TSC22D1: variants seen among roughly 807,000 people sequenced by gnomAD.
TSC22D1 encodes TSC22 domain family member 1, also known as TSC22 domain family protein 1.
A neutral mutation model predicts 74.2 loss-of-function variants in TSC22D1; 9 were observed. The ratio of observed to expected loss-of-function variants is 0.12; its 90% CI spans 0.07 to 0.21. TSC22D1 has a LOEUF of 0.21. Among genes scored for constraint, TSC22D1 ranks in the 10% least tolerant of loss-of-function variants. The pLI is 1.00. For missense variants in TSC22D1, 1,427 were observed against 1,304.7 expected (o/e 1.09, Z -1.44); for synonymous variants, 586 against 492.5 (o/e 1.19, Z -2.51).
intron 1 of TSC22D1, among the ~76,000 whole-genome samples, chr13:44,506,631 G>T (rs1879461524): frequency 6.6e-6 from 1 of 152,126 alleles, no homozygotes; most frequent in Non-Finnish European, 1.5e-5. Context: ...GAACTTAAAA[G>T]TGGATGGGAA....
intron 1 of TSC22D1, among the ~76,000 whole-genome samples, chr13:44,568,100 C>T (rs1883503356): frequency 6.6e-6 from 1 of 152,150 alleles, no homozygotes; most frequent in Non-Finnish European, 1.5e-5. Context: ...TATAAGAGAA[C>T]ATAACTTCCC....
chr13:44,542,849 A>C (rs1424617508), intron 1 of TSC22D1, among the ~76,000 whole-genome samples: 1 of 152,148 alleles, frequency 6.6e-6, no homozygotes, highest in Non-Finnish European at 1.5e-5. Context: ...AATATTATTG[A>C]TGGAAGCTCC....
intron 1 of TSC22D1, among the ~76,000 whole-genome samples, chr13:44,498,022 A>G (rs1182859371): frequency 6.6e-6 from 1 of 150,690 alleles, no homozygotes; most frequent in African/African-American, 2.4e-5. Context: ...CCCTTCCTCC[A>G]CTATACAGAG....
intron 1 of TSC22D1, among the ~76,000 whole-genome samples, chr13:44,472,393 G>A (rs1359417951): frequency 6.6e-6 from 1 of 152,056 alleles, no homozygotes. Flanking sequence ...GAGACAGCAT[G>A]TTTTACTTTG....
At chr13:44,536,835 G>A in intron 1 of TSC22D1, 3 of 977,120 alleles carry the variant, frequency 3.1e-6, no homozygotes, top group Non-Finnish European at 3.6e-6. Flanking sequence ...TCAGGAAAAT[G>A]CAAAAACATA....
Position 44,549,777 on chromosome 13 carries a change from A to G in TSC22D1, c.2912+23386T>C, listed in dbSNP as rs1225897348. On this transcript the variant is annotated intron_variant, in intron 1 of 2. Coordinates refer to ENST00000458659, the MANE Select transcript of TSC22D1 (RefSeq NM_183422.4). ...GCCAAACCCTGCCTCAAAAAAAAAG[A>G]AAAAAAAAAAAAAAAAGAAGAAGGC... 2.2e-5 allele frequency among the ~76,000 whole-genome samples: 3 copies of G among 138,506 alleles called. No homozygotes were observed. In the South Asian group the frequency reaches 6.9e-4, roughly 32 times the overall value. The allele number at this position is 138,506 out of a possible 152,430, so 90.9% of individuals were successfully genotyped here.
chr13:44,437,612 C>T (rs6561175), intron 1 of TSC22D1, among the ~76,000 whole-genome samples: 150,268 of 152,282 alleles, frequency 0.99, 74,163 homozygotes, highest in Middle Eastern at 1. Flanking sequence ...TCCCTAGTAA[C>T]TAAATATGCC....
chr13:44,539,985 G>A, intron 1 of TSC22D1: 2 of 1,215,632 alleles, frequency 1.6e-6, no homozygotes, highest in Non-Finnish European at 2.2e-6. Context: ...TACATTCTCT[G>A]GTCATTTGAG....
At chr13:44,536,937 A>G in intron 1 of TSC22D1, 1 of 812,466 alleles carries the variant, frequency 1.2e-6, no homozygotes. Context: ...AAAAAAAAAA[A>G]AAAAAAAAAA....
At chr13:44,545,803 C>G (rs1033709530) in intron 1 of TSC22D1, among the ~76,000 whole-genome samples, 3 of 151,778 alleles carry the variant, frequency 2.0e-5, no homozygotes, top group Non-Finnish European at 2.9e-5. Context: ...ATGGTGAAAC[C>G]CCGTCTCTAC....
intron 1 of TSC22D1, chr13:44,436,783 C>T (rs1027088679): frequency 2.9e-5 from 42 of 1,449,262 alleles, no homozygotes; most frequent in Non-Finnish European, 3.8e-5. Flanking sequence ...GCTTGATGAT[C>T]CCAGGCAGAT....
At chr13:44,439,467 C>T (rs1292795206) in intron 1 of TSC22D1, among the ~76,000 whole-genome samples, 1 of 152,164 alleles carries the variant, frequency 6.6e-6, no homozygotes, top group African/African-American at 2.4e-5. Flanking sequence ...CAGAAATGTC[C>T]GTGGCACAAA....
intron 1 of TSC22D1, among the ~76,000 whole-genome samples, chr13:44,491,908 T>A (rs2137960063): frequency 6.6e-6 from 1 of 152,306 alleles, no homozygotes; most frequent in South Asian, 2.1e-4. Flanking sequence ...ATGTATATCT[T>A]CCGTGATTCA....
At chr13:44,509,249 C>T (rs941350213) in intron 1 of TSC22D1, among the ~76,000 whole-genome samples, 4 of 152,140 alleles carry the variant, frequency 2.6e-5, no homozygotes, top group Admixed American at 6.5e-5. Flanking sequence ...AAGATTATTA[C>T]GCTGGAGGAG....
chr13:44,475,465 CAAA>C (rs11359696), intron 1 of TSC22D1, among the ~76,000 whole-genome samples: 1 of 132,160 alleles, frequency 7.6e-6, no homozygotes, highest in Non-Finnish European at 1.6e-5. Flanking sequence ...CAAACAAAAG[CAAA>C]AAAAAAAAAA....
intron 2 of TSC22D1, chr13:44,435,795 T>C (rs1874550464): frequency 3.7e-6 from 2 of 545,568 alleles, no homozygotes; most frequent in Non-Finnish European, 6.5e-6. Flanking sequence ...AGGGTCACCG[T>C]GAGAAAATCC....
intron 1 of TSC22D1, among the ~76,000 whole-genome samples, chr13:44,443,086 T>C (rs1279187132): frequency 1.3e-5 from 2 of 149,568 alleles, no homozygotes; most frequent in African/African-American, 4.9e-5. Context: ...CACATTTTAC[T>C]AAAACAATAA....
intron 1 of TSC22D1, among the ~76,000 whole-genome samples, chr13:44,552,127 A>G (rs1044318391): frequency 2.6e-5 from 4 of 152,200 alleles, no homozygotes; most frequent in African/African-American, 7.2e-5. Context: ...ATTTACCTGT[A>G]TATCTTCAGA....
At chr13:44,497,404 T>C (rs1387328986) in intron 1 of TSC22D1, among the ~76,000 whole-genome samples, 4 of 152,206 alleles carry the variant, frequency 2.6e-5, no homozygotes, top group Non-Finnish European at 4.4e-5. Flanking sequence ...AAACTGGGAA[T>C]TGCCACTTTC....
Sources: gnomAD v4.1 joint callset for allele counts (sites outside exome capture counted in the v4.1 genomes callset) on GRCh38, gnomAD v4.1.1 for gene constraint, MANE v1.5 for transcripts, NCBI Gene and HGNC (gene_info 2026-07-23, HGNC 2026-07-21) for gene names.